The following PALM2AKAP2 variants were observed in gnomAD, a reference collection of about 807,000 sequenced individuals.
PALM2AKAP2 encodes PALM2 and AKAP2 fusion, also known as PALM2-AKAP2 fusion protein.
Under a neutral mutation model 71.5 loss-of-function variants are expected in PALM2AKAP2, and 37 were observed. The ratio of observed to expected loss-of-function variants is 0.52; its 90% CI spans 0.40 to 0.68. The LOEUF is 0.68. PALM2AKAP2 is among the 30% of genes least tolerant of loss of function. The probability of loss-of-function intolerance (pLI) is 0.00; values close to 1 mark genes in which losing one functional copy is unlikely to be tolerated. For synonymous variants in PALM2AKAP2, 468 were observed against 478.8 expected, an observed-to-expected ratio of 0.98 and a Z score of 0.29; for missense variants, 1,224 against 1,191.8, an observed-to-expected ratio of 1.03 and a Z score of -0.40.
At chr9:109,818,867 T>G (rs1827917383) in intron 1 of PALM2AKAP2, among the ~76,000 whole-genome samples, 1 of 152,230 alleles carries the variant, frequency 6.6e-6, no homozygotes, top group African/African-American at 2.4e-5. Flanking sequence ...ACTCTCTTCT[T>G]TCTAGTTCTT....
chr9:110,038,205 G>A lies in PALM2AKAP2; in HGVS notation c.582+22166G>A, dbSNP rs148297158. Among the ~76,000 whole-genome samples, 145 of 152,118 alleles carry A rather than the reference G, an allele frequency of 9.5e-4. 2 individuals are homozygous for A. The highest frequency in any genetic ancestry group is 3.2e-3 in the African/African-American group (131 of 41,478). ...AGAACAAAAAAATTAGCCAGGTGAG[G>A]CAGCACACACCTGTCATCCAAGGCT... On this transcript the variant is annotated intron_variant, in intron 7 of 9. Transcript: ENST00000302798.
intron 1 of PALM2AKAP2, among the ~76,000 whole-genome samples, chr9:110,067,546 T>A (rs917276080): frequency 3.9e-5 from 6 of 152,228 alleles, no homozygotes; most frequent in African/African-American, 9.6e-5. Context: ...ATAGATTTTT[T>A]AAAATACATT....
intron 1 of PALM2AKAP2, among the ~76,000 whole-genome samples, chr9:109,794,242 ATGTTGTTGT>A (rs920580679): frequency 7.9e-5 from 12 of 151,900 alleles, no homozygotes; most frequent in East Asian, 5.8e-4. Context: ...AGCCAACTGC[ATGTTGTTGT>A]TGTTGTTGTT....
intron 6 of PALM2AKAP2, among the ~76,000 whole-genome samples, chr9:109,958,606 AGC>A (rs1296784405): frequency 6.6e-6 from 1 of 152,100 alleles, no homozygotes; most frequent in African/African-American, 2.4e-5. Flanking sequence ...AAGGAAGAGG[AGC>A]GAGAGAAAAG....
At chr9:109,767,475 A>G (rs1388994266) in intron 1 of PALM2AKAP2, among the ~76,000 whole-genome samples, 1 of 152,218 alleles carries the variant, frequency 6.6e-6, no homozygotes, top group Non-Finnish European at 1.5e-5. Context: ...TGAATCCTGC[A>G]GGATCTTGCT....
At chr9:110,100,516 G>A (rs1204933375) in intron 1 of PALM2AKAP2, among the ~76,000 whole-genome samples, 1 of 152,160 alleles carries the variant, frequency 6.6e-6, no homozygotes, top group Admixed American at 6.5e-5. Flanking sequence ...ATGGGGTGAG[G>A]TAGGGGTCTG....
Position 109,940,694 on chromosome 9 carries a change from AG to A in PALM2AKAP2, c.496+8668del, listed in dbSNP as rs563438420. On this transcript the variant is annotated intron_variant, in intron 6 of 9. Transcript: ENST00000302798. ...AAGGCTATCTAGGCAGAGGGACAGCAGGCACACAGATGAGCAGCCGTGGGAG... is the reference window on the plus strand; with the variant it reads ...AAGGCTATCTAGGCAGAGGGACAGCAGCACACAGATGAGCAGCCGTGGGAG... 2.7e-3 allele frequency among the ~76,000 whole-genome samples: 408 copies of A among 152,314 alleles called. 1 individual carries two copies. The highest frequency in any genetic ancestry group is 9.5e-3 in the African/African-American group (397 of 41,572).
intron 1 of PALM2AKAP2, among the ~76,000 whole-genome samples, chr9:109,674,991 C>T (rs1461141356): frequency 2.6e-5 from 4 of 151,996 alleles, no homozygotes; most frequent in South Asian, 4.1e-4. Flanking sequence ...CAATAAATTA[C>T]ATGAGATACT....
intron 1 of PALM2AKAP2, among the ~76,000 whole-genome samples, chr9:109,736,023 A>G (rs1314446887): frequency 1.3e-5 from 2 of 152,196 alleles, no homozygotes; most frequent in African/African-American, 2.4e-5. Flanking sequence ...GTCCCAGCAT[A>G]AGAAAGTTGC....
In PALM2AKAP2 at chr9:110,014,803, AATGTATATATATATATAT is replaced by A. The variant is rs1295363520; in HGVS notation, c.497-1148_497-1131del. ...TCAAAAAAAAAAAAAAAAAAAAAAA[AATGTATATATATATATAT>A]ATATATATATATATATATATATATA... On this transcript the variant is annotated intron_variant, in intron 6 of 9. Transcript: ENST00000302798. Among the ~76,000 whole-genome samples the A allele has an allele frequency of 2.8e-3, 45 of 16,016 alleles. 1 individual carries two copies. Among genetic ancestry groups the A allele is most frequent in the African/African-American group, 7.2e-3 (41 of 5,732 alleles). The allele number at this position is 16,016 out of a possible 152,430, so 10.5% of individuals were successfully genotyped here.
intron 6 of PALM2AKAP2, among the ~76,000 whole-genome samples, chr9:109,970,726 T>C (rs1239768174): frequency 6.6e-6 from 1 of 152,204 alleles, no homozygotes. Flanking sequence ...AGTAGTACTA[T>C]CTCATAGGGT....
chr9:109,834,157 GAGCCAAGATCACACCACTGCATTCC>G (rs1828387941), intron 1 of PALM2AKAP2, among the ~76,000 whole-genome samples: 1 of 152,218 alleles, frequency 6.6e-6, no homozygotes, highest in Non-Finnish European at 1.5e-5. Context: ...ATGTTGCAGT[GAGCCAAGATCACACCACTGCATTCC>G]AGCCTGGGTG....
intron 3 of PALM2AKAP2, among the ~76,000 whole-genome samples, chr9:109,909,635 G>A (rs1373300374): frequency 6.6e-6 from 1 of 152,158 alleles, no homozygotes; most frequent in African/African-American, 2.4e-5. Context: ...AAATACAGTG[G>A]GATAAAGTTG....
At chr9:109,750,995 C>T (rs183136349) in intron 1 of PALM2AKAP2, among the ~76,000 whole-genome samples, 2 of 152,278 alleles carry the variant, frequency 1.3e-5, no homozygotes, top group Admixed American at 1.3e-4. Flanking sequence ...GCATTCCACC[C>T]TCACCCCTGC....
In PALM2AKAP2 at chr9:109,683,907, G is replaced by C. The variant is rs537101247; in HGVS notation, c.5+43041G>C. Reference sequence around the variant, plus strand: ...AGTGTATATTGGTTATATTATAACTGATAATGATCCCCATTTTACAGTTGA... The same window carrying C: ...AGTGTATATTGGTTATATTATAACTCATAATGATCCCCATTTTACAGTTGA... On this transcript the variant is annotated intron_variant, in intron 1 of 6. Transcript: ENST00000374531. Among the ~76,000 whole-genome samples, 179 of 151,864 alleles carry C rather than the reference G, an allele frequency of 1.2e-3. 1 individual carries two copies. Among genetic ancestry groups the C allele is most frequent in the African/African-American group, 4.1e-3 (168 of 41,368 alleles).
chr9:109,996,783 G>A (rs1452115176), intron 6 of PALM2AKAP2, among the ~76,000 whole-genome samples: 1 of 152,242 alleles, frequency 6.6e-6, no homozygotes, highest in East Asian at 1.9e-4. Context: ...GTGTGCACAT[G>A]CACATGGGTG....
At chr9:109,832,006 G>C (rs1828314228) in intron 1 of PALM2AKAP2, among the ~76,000 whole-genome samples, 1 of 152,156 alleles carries the variant, frequency 6.6e-6, no homozygotes, top group African/African-American at 2.4e-5. Flanking sequence ...TTCCTTTTGA[G>C]GGGGATACTG....
At chr9:110,013,408 C>T (rs1420724903) in intron 6 of PALM2AKAP2, among the ~76,000 whole-genome samples, 2 of 152,174 alleles carry the variant, frequency 1.3e-5, no homozygotes, top group African/African-American at 4.8e-5. Flanking sequence ...CTCTGCCAGC[C>T]AAATCCAACA....
intron 1 of PALM2AKAP2, among the ~76,000 whole-genome samples, chr9:109,727,493 G>A (rs1435139694): frequency 7.1e-6 from 1 of 140,546 alleles, no homozygotes; most frequent in Non-Finnish European, 1.6e-5. Flanking sequence ...ATTTTATATA[G>A]AGCCCCAAAT....
Sources: allele counts gnomAD v4.1 joint callset (sites outside exome capture counted in the v4.1 genomes callset), GRCh38; gene constraint gnomAD v4.1.1; transcripts MANE v1.5; gene names NCBI Gene and HGNC (gene_info 2026-07-23, HGNC 2026-07-21).